Variants in GSE1 observed in about 807,000 individuals in gnomAD.
GSE1 encodes the protein genetic suppressor element 1.
Under a neutral mutation model 112.6 loss-of-function variants are expected in GSE1, and 32 were observed. The observed-to-expected ratio is 0.28, with a 90% CI of 0.21 to 0.38. The LOEUF (loss-of-function observed/expected upper bound fraction) is 0.38. Among genes scored for constraint, GSE1 ranks in the 10% least tolerant of loss-of-function variants. The pLI, the probability that GSE1 is intolerant of heterozygous loss-of-function variation, is 1.00. For missense variants in GSE1, 2,348 were observed against 1,699.2 expected, an observed-to-expected ratio of 1.38 and a Z score of -6.71; for synonymous variants, 1,115 against 735.6, an observed-to-expected ratio of 1.52 and a Z score of -8.35.
chr16:85,534,179 T>C (rs1018174515), intron 2 of GSE1, among the ~76,000 whole-genome samples: 3 of 151,044 alleles, frequency 2.0e-5, no homozygotes, highest in Admixed American at 1.3e-4. Context: ...TGGAGTGCAG[T>C]GGCCTGATCT....
intron 1 of GSE1, among the ~76,000 whole-genome samples, chr16:85,625,586 C>G (rs893137372): frequency 2.0e-5 from 3 of 152,188 alleles, no homozygotes; most frequent in Non-Finnish European, 2.9e-5. Flanking sequence ...GAGCTCTGCA[C>G]CCCGTGTTCT....
At chr16:85,452,199 G>A (rs573388856) in intron 2 of GSE1, among the ~76,000 whole-genome samples, 47 of 152,350 alleles carry the variant, frequency 3.1e-4, no homozygotes, top group African/African-American at 1.0e-3. Flanking sequence ...CAATTAAGCC[G>A]ATTATGTTTT....
At chr16:85,524,651 A>C (rs979409027) in intron 2 of GSE1, among the ~76,000 whole-genome samples, 3 of 152,002 alleles carry the variant, frequency 2.0e-5, no homozygotes, top group Non-Finnish European at 2.9e-5. Context: ...GTGTGTGTAC[A>C]CTGTCCTGAC....
chr16:85,671,688 G>T (rs1349848712), intron 15 of GSE1: 1 of 153,418 alleles, frequency 6.5e-6, no homozygotes, highest in Non-Finnish European at 1.5e-5. Context: ...GAAGGGTAGG[G>T]ATGCTGTTTG....
chr16:85,408,028 AG>A (rs1441492127), intron 2 of GSE1, among the ~76,000 whole-genome samples: 8 of 47,316 alleles, frequency 1.7e-4, no homozygotes, highest in South Asian at 1.1e-3. Context: ...TGTTACACTC[AG>A]GGCCCCCCTG....
rs536563481 is a variant in GSE1 at position 85,281,023 on chromosome 16, T to C, written c.2284-76440T>C. On this transcript the variant is annotated intron_variant, in intron 1 of 2. Transcript: ENST00000637419. ...TGCCTCTGCCGCCCCATGTCTCTGATGGGTTGCGGGGAAGTTTGAGATGAA... is the reference window on the plus strand; with the variant it reads ...TGCCTCTGCCGCCCCATGTCTCTGACGGGTTGCGGGGAAGTTTGAGATGAA... 9.2e-5 allele frequency among the ~76,000 whole-genome samples: 14 copies of C among 152,220 alleles called. No homozygotes were observed. The South Asian group carries it at 2.1e-3, about 23-fold the overall frequency.
At chr16:85,194,958 G>A (rs956637133) in intron 1 of GSE1, among the ~76,000 whole-genome samples, 5 of 152,078 alleles carry the variant, frequency 3.3e-5, no homozygotes, top group East Asian at 1.9e-4. Flanking sequence ...AGGGCCGGTC[G>A]TGAGGCCAGT....
intron 1 of GSE1, among the ~76,000 whole-genome samples, chr16:85,347,420 T>C (rs2046765584): frequency 6.6e-6 from 1 of 152,158 alleles, no homozygotes; most frequent in African/African-American, 2.4e-5. Flanking sequence ...CTGACAGCCA[T>C]GAGGAGGCGC....
chr16:85,534,749 C>T (rs540361710), intron 2 of GSE1, among the ~76,000 whole-genome samples: 1 of 152,320 alleles, frequency 6.6e-6, no homozygotes, highest in African/African-American at 2.4e-5. Context: ...GTTTTGCCTG[C>T]TGTGGAACCT....
At chr16:85,265,541 C>T (rs752693219) in intron 1 of GSE1, among the ~76,000 whole-genome samples, 1 of 152,184 alleles carries the variant, frequency 6.6e-6, no homozygotes, top group Admixed American at 6.5e-5. Context: ...GCAGACCCCT[C>T]CTTTGTCCCC....
upstream of GSE1, chr16:85,555,760 T>G (rs1203023874): frequency 2.1e-6 from 2 of 971,890 alleles, no homozygotes; most frequent in Non-Finnish European, 2.4e-6. Context: ...GACATTCAAA[T>G]GGCTGAATGG....
intron 2 of GSE1, among the ~76,000 whole-genome samples, chr16:85,643,831 A>G (rs2050637638): frequency 6.6e-6 from 1 of 151,270 alleles, no homozygotes; most frequent in African/African-American, 2.4e-5. Flanking sequence ...ATTGGCCCCA[A>G]CTTTTCCCCT....
chr16:85,555,652 A>T, upstream of GSE1: 1 of 945,994 alleles, frequency 1.1e-6, no homozygotes, highest in Non-Finnish European at 1.2e-6. Context: ...TCTCCTTGGC[A>T]ACAAGAGATA....
chr16:85,322,007 G>A (rs1266417180), intron 1 of GSE1, among the ~76,000 whole-genome samples: 3 of 152,292 alleles, frequency 2.0e-5, no homozygotes, highest in Admixed American at 6.5e-5. Context: ...GCCTGGCCGC[G>A]GCTCCTCCCT....
chr16:85,525,228 C>T (rs999408077), intron 2 of GSE1, among the ~76,000 whole-genome samples: 7 of 149,508 alleles, frequency 4.7e-5, no homozygotes, highest in Non-Finnish European at 7.4e-5. Context: ...CTGCCTGCAG[C>T]TGGGCTCCTC....
At position 85,513,357 on chromosome 16, in the gene GSE1, C is replaced by CCACT. The variant is rs562194542; in HGVS notation, c.2465-120556_2465-120553dup. Reference sequence around the variant, plus strand: ...CACTTTGCAGCTGGGTGACCTAAGGCCACTGCCCTACCGTCTCTGTGCCCC... The same window carrying CCACT: ...CACTTTGCAGCTGGGTGACCTAAGGCCACTCACTGCCCTACCGTCTCTGTGCCCC... On this transcript the variant is annotated intron_variant, in intron 2 of 2. Transcript: ENST00000637419. 4.5e-3 allele frequency among the ~76,000 whole-genome samples: 681 copies of CCACT among 152,266 alleles called. 4 individuals are homozygous for CCACT. The highest frequency in any genetic ancestry group is 7.6e-3 in the Non-Finnish European group (520 of 68,018).
At chr16:85,214,361 A>G (rs2075275485) in intron 1 of GSE1, among the ~76,000 whole-genome samples, 1 of 152,024 alleles carries the variant, frequency 6.6e-6, no homozygotes, top group Non-Finnish European at 1.5e-5. Context: ...GCCTATATCC[A>G]GGGACTGATG....
intron 1 of GSE1, among the ~76,000 whole-genome samples, chr16:85,315,831 A>G (rs2045973416): frequency 6.6e-6 from 1 of 152,232 alleles, no homozygotes; most frequent in Admixed American, 6.5e-5. Flanking sequence ...AACCCTGAGT[A>G]GTGGGGATAA....
intron 2 of GSE1, among the ~76,000 whole-genome samples, chr16:85,364,184 C>T (rs8057146): frequency 0.6 from 91,001 of 151,964 alleles, 27,530 homozygotes; most frequent in African/African-American, 0.68. Context: ...GGAGGCCGCC[C>T]GCATTCCTTG....
Sources: allele counts gnomAD v4.1 joint callset (sites outside exome capture counted in the v4.1 genomes callset), GRCh38; gene constraint gnomAD v4.1.1; transcripts MANE v1.5; gene names NCBI Gene and HGNC (gene_info 2026-07-23, HGNC 2026-07-21).